Variants in ZNF536 observed in about 807,000 individuals in gnomAD.
ZNF536 encodes zinc finger protein 536.
A neutral mutation model predicts 84.5 loss-of-function variants in ZNF536; 13 were observed. The observed-to-expected ratio is 0.15, with a 90% CI of 0.10 to 0.24. ZNF536 has a LOEUF of 0.24. ZNF536 is among the 10% of genes least tolerant of loss of function. The probability of loss-of-function intolerance (pLI) is 1.00; values close to 1 mark genes in which losing one functional copy is unlikely to be tolerated. For missense variants in ZNF536, 1,536 were observed against 1,747.5 expected, an observed-to-expected ratio of 0.88 and a Z score of 2.16; for synonymous variants, 811 against 742.5, an observed-to-expected ratio of 1.09 and a Z score of -1.50.
At chr19:30,564,629 T>A (rs2046287036) in intron 1 of ZNF536, among the ~76,000 whole-genome samples, 1 of 152,084 alleles carries the variant, frequency 6.6e-6, no homozygotes, top group South Asian at 2.1e-4. Context: ...GCGCAGCCCC[T>A]GGCGCTCGGG....
intron 3 of ZNF536, among the ~76,000 whole-genome samples, chr19:30,537,319 G>A (rs553047494): frequency 9.8e-5 from 15 of 152,304 alleles, no homozygotes; most frequent in African/African-American, 3.6e-4. Context: ...GTTGGGCAGG[G>A]TGGGGACCCG....
chr19:30,458,073 AAC>A (rs2052940090), intron 2 of ZNF536, among the ~76,000 whole-genome samples: 1 of 152,200 alleles, frequency 6.6e-6, no homozygotes, highest in South Asian at 2.1e-4. Flanking sequence ...GCCAGAGACA[AAC>A]ACATTTTCTC....
In ZNF536 at chr19:30,557,181, C is replaced by T. The variant is rs761127143; in HGVS notation, c.*17C>T. 52 of 1,613,280 alleles carry T rather than the reference C, an allele frequency of 3.2e-5. No individual in the cohort carries two copies. Among genetic ancestry groups the T allele is most frequent in the Non-Finnish European group, 4.2e-5 (50 of 1,179,694 alleles). On this transcript the variant is annotated 3_prime_UTR_variant, in exon 5 of 5. Coordinates refer to ENST00000355537, the MANE Select transcript of ZNF536 (RefSeq NM_014717.3). ...GGTAAGTGACACTCCCTGTCCTAGT[C>T]GGTCTATCTGGACTTGCCCTTGTCT...
chr19:30,275,840 A>AGTGTGT (rs35955842), intron 1 of ZNF536, among the ~76,000 whole-genome samples: 214 of 150,270 alleles, frequency 1.4e-3, no homozygotes, highest in African/African-American at 5.1e-3. Context: ...TGTGTGTGTG[A>AGTGTGT]GTGTGTGTGT....
Position 30,291,931 on chromosome 19 carries a change from G to A in ZNF536, c.-120+7790G>A, listed in dbSNP as rs77532320. Among the ~76,000 whole-genome samples, 1,383 of 152,196 alleles carry A rather than the reference G, an allele frequency of 9.1e-3. 22 individuals are homozygous for A. The highest frequency in any genetic ancestry group is 0.031 in the African/African-American group (1,294 of 41,542). On this transcript the variant is annotated intron_variant, in intron 2 of 5. Transcript: ENST00000585628. ...CATTGTATGAAATTTAAATCTCAGGGCCCATAATAAAGTTTTATTGGCATG... is the reference window on the plus strand; with the variant it reads ...CATTGTATGAAATTTAAATCTCAGGACCCATAATAAAGTTTTATTGGCATG...
chr19:30,519,738 C>G (rs2145684233), intron 2 of ZNF536, among the ~76,000 whole-genome samples: 1 of 152,154 alleles, frequency 6.6e-6, no homozygotes, highest in East Asian at 1.9e-4. Flanking sequence ...CAGCCCTCCC[C>G]AACACCATTC....
chr19:30,447,062 T>C (rs1793088606), intron 2 of ZNF536, among the ~76,000 whole-genome samples: 1 of 152,244 alleles, frequency 6.6e-6, no homozygotes, highest in African/African-American at 2.4e-5. Flanking sequence ...ATGGCAACAT[T>C]GATTTCTGCA....
intron 1 of ZNF536, among the ~76,000 whole-genome samples, chr19:30,261,412 G>C (rs2025214066): frequency 6.6e-6 from 1 of 151,332 alleles, no homozygotes; most frequent in Non-Finnish European, 1.5e-5. Context: ...AAAGAAAAGA[G>C]TAGGTGCGGT....
intron 1 of ZNF536, among the ~76,000 whole-genome samples, chr19:30,661,493 GC>G (rs1403456664): frequency 6.6e-6 from 1 of 152,152 alleles, no homozygotes. Flanking sequence ...ATAGGTGCAA[GC>G]TTTTGGGGGG....
At chr19:30,646,030 A>G (rs2049453337) in intron 1 of ZNF536, among the ~76,000 whole-genome samples, 1 of 152,132 alleles carries the variant, frequency 6.6e-6, no homozygotes, top group Admixed American at 6.6e-5. Flanking sequence ...GCCTCCTGCT[A>G]CTGCATTCTG....
At chr19:30,238,725 C>T (rs913239287) in intron 1 of ZNF536, among the ~76,000 whole-genome samples, 7 of 151,904 alleles carry the variant, frequency 4.6e-5, no homozygotes, top group African/African-American at 1.5e-4. Context: ...TAGGTAGGAT[C>T]GGCACTGTGA....
At chr19:30,636,305 G>A (rs2049062471) in intron 1 of ZNF536, among the ~76,000 whole-genome samples, 1 of 152,140 alleles carries the variant, frequency 6.6e-6, no homozygotes, top group Non-Finnish European at 1.5e-5. Context: ...ATTCCAGGAT[G>A]GGTGATCATC....
At chr19:30,378,135 C>G (rs996536893) in intron 1 of ZNF536, among the ~76,000 whole-genome samples, 7 of 152,122 alleles carry the variant, frequency 4.6e-5, no homozygotes, top group Admixed American at 3.3e-4. Context: ...GTCGCCCCAG[C>G]CTGGATGCCC....
At chr19:30,413,376 C>A (rs1197032239) in intron 1 of ZNF536, among the ~76,000 whole-genome samples, 3 of 152,146 alleles carry the variant, frequency 2.0e-5, no homozygotes, top group African/African-American at 4.8e-5. Context: ...TCTCATTTGA[C>A]TACCCTCTTA....
intron 1 of ZNF536, among the ~76,000 whole-genome samples, chr19:30,651,614 G>GA (rs1191537539): frequency 1.3e-5 from 2 of 152,162 alleles, no homozygotes; most frequent in African/African-American, 4.8e-5. Context: ...GACCCCAAAA[G>GA]AAAACTTCCT....
At chr19:30,270,124 G>A (rs918213632) in intron 1 of ZNF536, among the ~76,000 whole-genome samples, 3 of 152,168 alleles carry the variant, frequency 2.0e-5, no homozygotes, top group South Asian at 2.1e-4. Flanking sequence ...CTGGTCTGTC[G>A]CAGGGCCTAT....
At chr19:30,354,195 C>A (rs1174500315) in intron 3 of ZNF536, among the ~76,000 whole-genome samples, 1 of 151,532 alleles carries the variant, frequency 6.6e-6, no homozygotes, top group African/African-American at 2.4e-5. Context: ...AACAGTAGCT[C>A]CAGCCTCATC....
At chr19:30,614,191 A>G (rs763550789) in intron 1 of ZNF536, among the ~76,000 whole-genome samples, 5 of 152,144 alleles carry the variant, frequency 3.3e-5, no homozygotes, top group Non-Finnish European at 5.9e-5. Context: ...TATATTGTGC[A>G]TATTTTTCCA....
intron 1 of ZNF536, among the ~76,000 whole-genome samples, chr19:30,699,411 A>G (rs2147974426): frequency 1.3e-5 from 2 of 152,334 alleles, no homozygotes; most frequent in South Asian, 4.1e-4. Context: ...GCACTTGTAA[A>G]ATAAGTACAT....
Sources: gnomAD v4.1 joint callset for allele counts (sites outside exome capture counted in the v4.1 genomes callset) on GRCh38, gnomAD v4.1.1 for gene constraint, MANE v1.5 for transcripts, NCBI Gene and HGNC (gene_info 2026-07-23, HGNC 2026-07-21) for gene names.